TSC22D1: variants seen among roughly 807,000 people sequenced by gnomAD.
TSC22D1 encodes TSC22 domain family member 1.
A neutral mutation model predicts 74.2 loss-of-function variants in TSC22D1; 9 were observed. That is an observed-to-expected ratio of 0.12 (90% CI 0.07 to 0.21). The LOEUF (loss-of-function observed/expected upper bound fraction) is 0.21, where lower values mean the gene tolerates loss of function less well. TSC22D1 is among the 10% of genes least tolerant of loss of function. The probability of loss-of-function intolerance (pLI) is 1.00; values close to 1 mark genes in which losing one functional copy is unlikely to be tolerated. For missense variants in TSC22D1, 1,427 were observed against 1,304.7 expected (o/e 1.09, Z -1.44); for synonymous variants, 586 against 492.5 (o/e 1.19, Z -2.51).
At chr13:44,511,331 G>A (rs899748730) in intron 1 of TSC22D1, among the ~76,000 whole-genome samples, 1 of 151,830 alleles carries the variant, frequency 6.6e-6, no homozygotes, top group African/African-American at 2.4e-5. Flanking sequence ...AAAAACCTTT[G>A]CCTGTAATTC....
chr13:44,458,290 C>A (rs1171236716), intron 1 of TSC22D1, among the ~76,000 whole-genome samples: 2 of 152,208 alleles, frequency 1.3e-5, no homozygotes, highest in African/African-American at 4.8e-5. Flanking sequence ...TATAAAACAT[C>A]TTCATCAGTA....
chr13:44,573,758 T>C lies in TSC22D1; in HGVS notation c.2317A>G (p.Ile773Val), dbSNP rs745858763. 3 of 1,614,226 alleles carry C rather than the reference T, an allele frequency of 1.9e-6. No homozygotes were observed. The highest frequency in any genetic ancestry group is 1.7e-6 in the Non-Finnish European group (2 of 1,180,030). ...QVVPPAQTGIIHQGVQTSAPS... is the reference protein window; with the variant it reads ...QVVPPAQTGIVHQGVQTSAPS... The stretch of plus-strand genomic sequence containing the variant: ...GCACTAGTTTGAACTCCCTGATGAA[T>C]AATCCCAGTTTGAGCAGGTGGAACC... The change falls in exon 1 of 3, where the codon ATT becomes GTT. Residue 773 changes from isoleucine (I) to valine (V), a missense_variant. By Grantham distance (29) the Ile-to-Val change is conservative (BLOSUM62 3). Around this residue, in one of 3 missense-constraint regions of TSC22D1, gnomAD observed 1,343 missense variants for 1,191.5 expected, o/e 1.13. Transcript: ENST00000458659.
intron 1 of TSC22D1, among the ~76,000 whole-genome samples, chr13:44,567,614 A>C (rs566897573): frequency 6.6e-6 from 1 of 152,022 alleles, no homozygotes. Context: ...GCAAAAAAAA[A>C]GTTCTTGGAA....
chr13:44,434,707 G>A lies in TSC22D1; in HGVS notation c.3141C>T (p.Ser1047=), dbSNP rs1441107105. The change falls in exon 3 of 3, where the codon TCC becomes TCT. Residue 1047 remains serine, a synonymous_variant. Coordinates refer to ENST00000458659, the MANE Select transcript of TSC22D1 (RefSeq NM_183422.4). ...AQFQAQLQTG[S]PPATTQPQGT... is the part of the protein sequence containing the mutation. Reference sequence around the variant, plus strand: ...CCTGTGGCTGGGTGGTGGCAGGGGGGGAGCCAGTCTGCAGCTGGGCCTGAA... The same window carrying A: ...CCTGTGGCTGGGTGGTGGCAGGGGGAGAGCCAGTCTGCAGCTGGGCCTGAA... The A allele has an allele frequency of 1.9e-6, 3 of 1,611,874 alleles. No homozygotes were observed. The highest frequency in any genetic ancestry group is 2.5e-6 in the Non-Finnish European group (3 of 1,179,392).
chr13:44,515,895 T>C (rs1414820426), intron 1 of TSC22D1, among the ~76,000 whole-genome samples: 2 of 152,206 alleles, frequency 1.3e-5, no homozygotes, highest in Non-Finnish European at 2.9e-5. Flanking sequence ...ATTTTACACC[T>C]ATTACAAATT....
intron 1 of TSC22D1, among the ~76,000 whole-genome samples, chr13:44,511,932 T>C (rs921077363): frequency 6.6e-6 from 1 of 152,138 alleles, no homozygotes; most frequent in Non-Finnish European, 1.5e-5. Context: ...TCCATCCCCT[T>C]TAAATGCCAA....
At chr13:44,539,863 T>A in intron 1 of TSC22D1, 1 of 1,289,712 alleles carries the variant, frequency 7.8e-7, no homozygotes. Context: ...AAGCTCTCCG[T>A]GGTCTTGGCT....
intron 1 of TSC22D1, among the ~76,000 whole-genome samples, chr13:44,449,674 G>A (rs79661034): frequency 6.6e-6 from 1 of 150,792 alleles, no homozygotes; most frequent in East Asian, 1.9e-4. Flanking sequence ...AGGGTAAGAA[G>A]ACAATGCGAT....
intron 1 of TSC22D1, chr13:44,516,343 C>T (rs146194467): frequency 3.8e-5 from 18 of 467,560 alleles, no homozygotes; most frequent in Non-Finnish European, 7.2e-5. Flanking sequence ...TTCTGAAGAA[C>T]CTGCTTTTTA....
At chr13:44,532,481 T>C (rs1031208738) in intron 1 of TSC22D1, among the ~76,000 whole-genome samples, 11 of 149,178 alleles carry the variant, frequency 7.4e-5, no homozygotes, top group Non-Finnish European at 6.0e-5. Flanking sequence ...ATCTACAAAA[T>C]CTTTTTTTTT....
At chr13:44,456,192 A>AGCAAGATTTATC (rs1429911096) in intron 1 of TSC22D1, among the ~76,000 whole-genome samples, 1 of 152,238 alleles carries the variant, frequency 6.6e-6, no homozygotes, top group Non-Finnish European at 1.5e-5. Context: ...AGTGAGCAGC[A>AGCAAGATTTATC]GCAAGATTTA....
At chr13:44,466,131 C>T (rs1436807793) in intron 1 of TSC22D1, among the ~76,000 whole-genome samples, 1 of 152,184 alleles carries the variant, frequency 6.6e-6, no homozygotes, top group Non-Finnish European at 1.5e-5. Flanking sequence ...GGGCCAATCC[C>T]CCAGGAGCAC....
At chr13:44,493,402 T>TG (rs1295607969) in intron 1 of TSC22D1, among the ~76,000 whole-genome samples, 4 of 152,174 alleles carry the variant, frequency 2.6e-5, no homozygotes, top group African/African-American at 9.7e-5. Context: ...ACTCAAGACT[T>TG]TCTCAAGGCA....
intron 1 of TSC22D1, among the ~76,000 whole-genome samples, chr13:44,562,050 A>G (rs1225060442): frequency 6.6e-6 from 1 of 152,044 alleles, no homozygotes. Flanking sequence ...TTATATATAT[A>G]TATTTTTGAG....
At chr13:44,548,870 TAG>T (rs1200063873) in intron 1 of TSC22D1, among the ~76,000 whole-genome samples, 1 of 152,160 alleles carries the variant, frequency 6.6e-6, no homozygotes, top group Non-Finnish European at 1.5e-5. Flanking sequence ...ATATATAAGA[TAG>T]ACTTTTAAAT....
intron 1 of TSC22D1, among the ~76,000 whole-genome samples, chr13:44,483,782 ATTAAG>A (rs1323557240): frequency 6.6e-6 from 1 of 152,254 alleles, no homozygotes; most frequent in Non-Finnish European, 1.5e-5. Flanking sequence ...AGACTGGTCA[ATTAAG>A]TTAAAGGACA....
intron 1 of TSC22D1, among the ~76,000 whole-genome samples, chr13:44,559,747 G>A (rs1882913062): frequency 6.7e-6 from 1 of 150,028 alleles, no homozygotes; most frequent in Admixed American, 6.7e-5. Context: ...CTGGAGTACA[G>A]TGGCGTGATC....
At chr13:44,511,497 G>A (rs1237996397) in intron 1 of TSC22D1, among the ~76,000 whole-genome samples, 1 of 152,084 alleles carries the variant, frequency 6.6e-6, no homozygotes, top group Non-Finnish European at 1.5e-5. Flanking sequence ...TCTAAGATCA[G>A]GAGCCAAGTT....
chr13:44,515,596 C>A (rs1344438136), intron 1 of TSC22D1, among the ~76,000 whole-genome samples: 1 of 152,074 alleles, frequency 6.6e-6, no homozygotes, highest in African/African-American at 2.4e-5. Context: ...TGCCACCATA[C>A]CCGGCTAATT....
Sources: allele counts gnomAD v4.1 joint callset (sites outside exome capture counted in the v4.1 genomes callset), GRCh38; gene constraint gnomAD v4.1.1; regional missense constraint gnomAD v4.1.1; transcripts MANE v1.5; gene names NCBI Gene and HGNC (gene_info 2026-07-23, HGNC 2026-07-21).